The following SERPINE2 variants were observed in gnomAD, a reference collection of about 807,000 sequenced individuals.
The protein encoded by SERPINE2 is serpin family E member 2.
SERPINE2 carries 14 observed loss-of-function variants against 36.3 expected under a neutral mutation model. The ratio of observed to expected loss-of-function variants is 0.39; its 90% CI spans 0.25 to 0.60. The LOEUF (loss-of-function observed/expected upper bound fraction) is 0.60. Ranked by LOEUF, SERPINE2 falls within the 20% of genes least tolerant of loss-of-function variation. The pLI, the probability that SERPINE2 is intolerant of heterozygous loss-of-function variation, is 0.57. For missense variants in SERPINE2, 418 were observed against 499.6 expected, an observed-to-expected ratio of 0.84 and a Z score of 1.56; for synonymous variants, 192 against 191.8, an observed-to-expected ratio of 1.00 and a Z score of -0.01.
chr2:223,977,374 C>A (rs1574804732), intron 8 of SERPINE2, among the ~76,000 whole-genome samples, 170 bp downstream of exon 8: 1 of 152,178 alleles, frequency 6.6e-6, no homozygotes, highest in East Asian at 1.9e-4. Flanking sequence ...GTAAACACAG[C>A]CTTTATTTTC....
intron 1 of SERPINE2, among the ~76,000 whole-genome samples, chr2:224,033,655 T>C: frequency 1.7e-5 from 2 of 115,440 alleles, no homozygotes; most frequent in South Asian, 3.6e-4. Flanking sequence ...CCAAAAAAGT[T>C]CCATGGCAAA....
At chr2:223,977,678 A>AT in intron 7 of SERPINE2, 51 bp from the exon 8 acceptor site, 8 of 1,276,612 alleles carry the variant, frequency 6.3e-6, no homozygotes, top group African/African-American at 1.5e-5. Flanking sequence ...AGACCATGTA[A>AT]GCATAAGGCC....
intron 1 of SERPINE2, among the ~76,000 whole-genome samples, chr2:224,014,586 G>A (rs944810280): frequency 6.6e-6 from 1 of 152,172 alleles, no homozygotes; most frequent in Admixed American, 6.5e-5. Flanking sequence ...CCCTAGAGCA[G>A]GCTTTCTTTA....
In SERPINE2 at chr2:224,016,933, A is replaced by C. The variant is rs564846189; in HGVS notation, c.-22-15011T>G. Among the ~76,000 whole-genome samples, 16 of 152,352 alleles carry C rather than the reference A, an allele frequency of 1.1e-4. No homozygotes were observed. In the South Asian group the frequency reaches 2.1e-3, roughly 20 times the overall value. On this transcript the variant is annotated intron_variant, in intron 1 of 8. Coordinates refer to ENST00000409304, the MANE Select transcript of SERPINE2 (RefSeq NM_001136528.2). ...TTGTTGAAATGACAAAGGTGCAGAG[A>C]TGGAGAATAGATCAGTAGTCACCAG...
At chr2:223,984,185 T>G (rs768305822) in intron 5 of SERPINE2, among the ~76,000 whole-genome samples, 4 of 152,140 alleles carry the variant, frequency 2.6e-5, no homozygotes, top group African/African-American at 7.2e-5. Context: ...GGACAAAGCA[T>G]TCTCTGACCT....
At chr2:223,988,776 G>A (rs759962286) in intron 4 of SERPINE2, among the ~76,000 whole-genome samples, 87 of 152,232 alleles carry the variant, frequency 5.7e-4, no homozygotes, top group Middle Eastern at 3.4e-3. Context: ...CTGCAGTGTT[G>A]TTATAGGAAA....
chr2:223,995,095 G>A (rs1434960999), intron 3 of SERPINE2, among the ~76,000 whole-genome samples: 2 of 152,204 alleles, frequency 1.3e-5, no homozygotes, highest in African/African-American at 2.4e-5. Context: ...TCCAACAGGA[G>A]ACAGGATGGT....
chr2:224,012,300 AC>A (rs1340291848), intron 1 of SERPINE2, among the ~76,000 whole-genome samples: 1 of 152,226 alleles, frequency 6.6e-6, no homozygotes, highest in Non-Finnish European at 1.5e-5. Flanking sequence ...ACAATAAGGA[AC>A]AGTTAATGAC....
Position 223,991,819 on chromosome 2 carries a change from G to T in SERPINE2, c.669C>A (p.Leu223=). 1 of 1,613,994 alleles carries T rather than the reference G, an allele frequency of 6.2e-7. No homozygotes were observed. Among genetic ancestry groups the T allele is most frequent in the Non-Finnish European group, 8.5e-7 (1 of 1,180,038 alleles). The part of the protein sequence containing the change: ...KSYQVPMLAQ[L]SVFRCGSTSA... ...TGAACTCACCACACCGGAACACGGA[G>T]AGCTGGGCCAGCATTGGCACTTGAT... is the stretch of plus-strand genomic sequence containing the variant. The change falls in exon 4 of 9, where the codon CTC becomes CTA. Residue 223 remains leucine (L), a synonymous_variant. Coordinates refer to ENST00000409304, the MANE Select transcript of SERPINE2 (RefSeq NM_001136528.2).
In SERPINE2 at chr2:224,001,777, T is replaced by C. The variant is rs765749824; in HGVS notation, c.124A>G (p.Ile42Val). ...SNTGIQVFNQIVKSRPHDNIV... is the reference protein window; with the variant it reads ...SNTGIQVFNQVVKSRPHDNIV... The stretch of plus-strand genomic sequence containing the variant: ...TTGTCATGAGGCCTCGACTTCACAA[T>C]CTGATTGAAAACCTGGATCCCCGTG... Residue 42 changes from isoleucine to valine, a missense_variant, in exon 2 of 9, where the codon ATT (isoleucine) becomes GTT (valine). By Grantham distance (29) the Ile-to-Val change is conservative (BLOSUM62 3). Transcript: ENST00000409304. The C allele has an allele frequency of 6.2e-7, 1 of 1,614,020 alleles. No individual in the cohort carries two copies. The highest frequency in any genetic ancestry group is 8.5e-7 in the Non-Finnish European group (1 of 1,180,032).
rs1689982611 is a variant in SERPINE2 at position 223,975,709 on chromosome 2, C to T, written c.*158G>A. ...CTTGTTTTTTCCCTCCAATACCTCC[C>T]AGAACAGAAACACTTGCATCGAGTC... On this transcript the variant is annotated 3_prime_UTR_variant, in exon 9 of 9. Coordinates refer to ENST00000409304, the MANE Select transcript of SERPINE2 (RefSeq NM_001136528.2). 5 of 574,798 alleles carry T rather than the reference C, an allele frequency of 8.7e-6. No homozygotes were observed. In the East Asian group the frequency reaches 1.4e-4, roughly 16 times the overall value. The allele number at this position is 574,798 out of a possible 1,614,324, so 35.6% of individuals were successfully genotyped here. A position where few individuals can be genotyped will look rare whatever the true frequency, so the allele number is the denominator to read the frequency against.
At chr2:223,988,021 G>C (rs766679436) in intron 4 of SERPINE2, among the ~76,000 whole-genome samples, 1 of 152,120 alleles carries the variant, frequency 6.6e-6, no homozygotes, top group Non-Finnish European at 1.5e-5. Flanking sequence ...ATGCTCCATC[G>C]TGTGCAATAC....
In SERPINE2 at chr2:223,991,950, T is replaced by G. The variant is rs755971071; in HGVS notation, c.538A>C (p.Arg180=). ...SPDLIDGVLT[R]LVLVNAVYFK... is the part of the protein sequence containing the mutation. Reference sequence around the variant, plus strand: ...TACACTGCGTTGACGAGGACCAGTCTGGTGAGCACACCATCAATAAGATCT... The same window carrying G: ...TACACTGCGTTGACGAGGACCAGTCGGGTGAGCACACCATCAATAAGATCT... The change falls in exon 4 of 9, where the codon AGA becomes CGA. Residue 180 remains arginine (R), a synonymous_variant. Transcript: ENST00000409304. 5.6e-6 allele frequency: 9 copies of G among 1,613,730 alleles called. No homozygotes were observed. In the East Asian group the frequency reaches 2.0e-4, roughly 36 times the overall value.
chr2:224,014,857 T>C (rs1334330632), intron 1 of SERPINE2, among the ~76,000 whole-genome samples: 1 of 152,186 alleles, frequency 6.6e-6, no homozygotes, highest in Non-Finnish European at 1.5e-5. Flanking sequence ...GGCGCTGGGA[T>C]GCTAGAGAGA....
chr2:224,009,367 C>T (rs569334851), intron 1 of SERPINE2, among the ~76,000 whole-genome samples: 1 of 152,250 alleles, frequency 6.6e-6, no homozygotes, highest in South Asian at 2.1e-4. Flanking sequence ...CATGACATCT[C>T]TCAACAGCTT....
chr2:223,980,748 T>G (rs1267721850), intron 6 of SERPINE2: 3 of 205,038 alleles, frequency 1.5e-5, no homozygotes, highest in Non-Finnish European at 3.0e-5. Context: ...GCAACAAGAT[T>G]ATTTTTCAGT....
chr2:223,989,063 G>C (rs4674834), intron 4 of SERPINE2, among the ~76,000 whole-genome samples: 152,353 of 152,364 alleles, frequency 1, 76,171 homozygotes, highest in Non-Finnish European at 1. Context: ...GGAACTTTTG[G>C]TTTCTGCCAT....
intron 3 of SERPINE2, among the ~76,000 whole-genome samples, chr2:223,994,861 T>C (rs948238894): frequency 3.3e-5 from 5 of 152,232 alleles, no homozygotes; most frequent in African/African-American, 4.8e-5. Flanking sequence ...TTTGAATAGG[T>C]ATCACTATTA....
chr2:224,038,196 C>G (rs2106209364), intron 1 of SERPINE2, among the ~76,000 whole-genome samples: 1 of 152,266 alleles, frequency 6.6e-6, no homozygotes, highest in Non-Finnish European at 1.5e-5. Flanking sequence ...GGCTTCTTGG[C>G]TTGAAAGAGG....
Sources: allele counts gnomAD v4.1 joint callset (sites outside exome capture counted in the v4.1 genomes callset), GRCh38; gene constraint gnomAD v4.1.1; transcripts MANE v1.5; gene names NCBI Gene and HGNC (gene_info 2026-07-23, HGNC 2026-07-21).